Variants in PCDH11Y observed in about 807,000 individuals in gnomAD.
PCDH11Y encodes protocadherin-11 Y-linked.
For missense variants in PCDH11Y, 12 were observed against 224.8 expected (o/e 0.05, Z 6.05); for synonymous variants, 9 against 83.6 (o/e 0.11, Z 4.87).
chrY:5,437,481 C>G, intron 2 of PCDH11Y, among the ~76,000 whole-genome samples: 1 of 29,214 alleles, frequency 3.4e-5, no homozygotes, highest in Admixed American at 3.2e-4. Context: ...AGAGAGGTAA[C>G]TATAGGAGTT....
At chrY:5,715,397 A>G in intron 4 of PCDH11Y, among the ~76,000 whole-genome samples, 1 of 32,372 alleles carries the variant, frequency 3.1e-5, no homozygotes, top group Non-Finnish European at 7.6e-5. Context: ...TGTGACCAAC[A>G]TCTTAAGAAT....
chrY:5,632,210 G>C, intron 4 of PCDH11Y, among the ~76,000 whole-genome samples: 1 of 31,636 alleles, frequency 3.2e-5, no homozygotes, highest in Admixed American at 3.0e-4. Flanking sequence ...AATTGAGAGA[G>C]AATGATTGTA....
chrY:5,702,055 T>C, intron 4 of PCDH11Y, among the ~76,000 whole-genome samples: 1 of 33,613 alleles, frequency 3.0e-5, no homozygotes, highest in Non-Finnish European at 7.4e-5. Flanking sequence ...AATGAGTGTA[T>C]TTATCCAATG....
intron 4 of PCDH11Y, among the ~76,000 whole-genome samples, chrY:5,633,694 C>T (rs2053514190): frequency 3.1e-5 from 1 of 32,221 alleles, no homozygotes; most frequent in Non-Finnish European, 7.5e-5. Flanking sequence ...GCCAGGAGTT[C>T]GAGACCAGCC....
intron 2 of PCDH11Y, among the ~76,000 whole-genome samples, chrY:5,116,013 T>G: frequency 3.0e-5 from 1 of 33,667 alleles, no homozygotes; most frequent in Admixed American, 2.7e-4. Flanking sequence ...GTGCTGGGAT[T>G]ACAGGCGTGA....
chrY:5,275,743 A>T, intron 2 of PCDH11Y, among the ~76,000 whole-genome samples: 1 of 33,111 alleles, frequency 3.0e-5, no homozygotes, highest in African/African-American at 1.2e-4. Flanking sequence ...CAAGCACTAA[A>T]CCATTAAGAA....
At chrY:5,282,210 G>A in intron 2 of PCDH11Y, among the ~76,000 whole-genome samples, 1 of 32,336 alleles carries the variant, frequency 3.1e-5, no homozygotes. Flanking sequence ...CAGAATATCA[G>A]CATAGTGTGA....
chrY:5,340,961 G>A (rs1602907653), intron 2 of PCDH11Y, among the ~76,000 whole-genome samples: 1 of 34,013 alleles, frequency 2.9e-5, no homozygotes, highest in East Asian at 7.7e-4. Context: ...TAATAGCATT[G>A]GAGGCCAAAA....
chrY:5,709,930 C>G, intron 4 of PCDH11Y, among the ~76,000 whole-genome samples: 1 of 32,614 alleles, frequency 3.1e-5, no homozygotes, highest in Non-Finnish European at 7.5e-5. Context: ...AGCCCTGAAG[C>G]AATTGTTAGT....
chrY:5,233,806 A>G, intron 2 of PCDH11Y, among the ~76,000 whole-genome samples: 1 of 33,318 alleles, frequency 3.0e-5, no homozygotes, highest in Non-Finnish European at 7.4e-5. Context: ...GTGGTTTGCT[A>G]TAATTTTACA....
intron 4 of PCDH11Y, among the ~76,000 whole-genome samples, chrY:5,678,361 T>A: frequency 3.1e-5 from 1 of 32,656 alleles, no homozygotes; most frequent in Non-Finnish European, 7.5e-5. Context: ...ATGAAAAAAG[T>A]GATGTCAAAA....
In PCDH11Y at chrY:5,244,500, T is replaced by A. The variant is rs1569476290; in HGVS notation, c.3129+143793T>A. Among the ~76,000 whole-genome samples, 3 of 33,318 alleles carry A rather than the reference T, an allele frequency of 9.0e-5. No individual in the cohort carries two copies. In the East Asian group the frequency reaches 2.4e-3, roughly 27 times the overall value. 89.4% of individuals were successfully genotyped at this position (33,318 alleles called of 37,273 possible). Reference sequence around the variant, plus strand: ...GGAGAGGAAGGAAGAACAGTGTGGTTTGACGGCCCACCCAAGAGCCACATG... The same window carrying A: ...GGAGAGGAAGGAAGAACAGTGTGGTATGACGGCCCACCCAAGAGCCACATG... On this transcript the variant is annotated intron_variant, in intron 2 of 4. Transcript: ENST00000400457.
chrY:5,137,536 A>G (rs2052841993), intron 2 of PCDH11Y, among the ~76,000 whole-genome samples: 1 of 32,286 alleles, frequency 3.1e-5, no homozygotes, highest in Non-Finnish European at 7.6e-5. Context: ...TCACTAACAC[A>G]TAAGGACTCA....
At chrY:5,240,250 T>G in intron 2 of PCDH11Y, among the ~76,000 whole-genome samples, 1 of 33,627 alleles carries the variant, frequency 3.0e-5, no homozygotes, top group Non-Finnish European at 7.4e-5. Context: ...CTAGTTCTTT[T>G]GCTACTTCCA....
intron 2 of PCDH11Y, among the ~76,000 whole-genome samples, chrY:5,297,327 TG>T (rs2053075999): frequency 3.0e-5 from 1 of 32,867 alleles, no homozygotes; most frequent in Non-Finnish European, 7.5e-5. Flanking sequence ...CCACACTGCC[TG>T]GGGTAGGGGG....
chrY:5,078,545 T>A, intron 1 of PCDH11Y, among the ~76,000 whole-genome samples: 1 of 33,063 alleles, frequency 3.0e-5, no homozygotes, highest in African/African-American at 1.2e-4. Context: ...CTCACAATCA[T>A]GGCACAAGGC....
intron 2 of PCDH11Y, among the ~76,000 whole-genome samples, chrY:5,339,327 CATTTATTTATTT>C: frequency 1.2e-3 from 37 of 29,705 alleles, no homozygotes; most frequent in African/African-American, 4.1e-3. Flanking sequence ...CTGTCCTTTC[CATTTATTTATTT>C]ATTTATTTAT....
chrY:5,022,238 AC>A (rs2052570414), intron 1 of PCDH11Y, among the ~76,000 whole-genome samples: 1 of 32,395 alleles, frequency 3.1e-5, no homozygotes, highest in Non-Finnish European at 7.5e-5. Flanking sequence ...ATGTTAAGAT[AC>A]TTGATGGCTT....
At chrY:5,706,974 C>G in intron 4 of PCDH11Y, among the ~76,000 whole-genome samples, 1 of 32,927 alleles carries the variant, frequency 3.0e-5, no homozygotes, top group African/African-American at 1.2e-4. Flanking sequence ...AACTATATGA[C>G]TGCATCACAA....
Sources: gnomAD v4.1 joint callset for allele counts (sites outside exome capture counted in the v4.1 genomes callset) on GRCh38, gnomAD v4.1.1 for gene constraint, MANE v1.5 for transcripts, NCBI Gene and HGNC (gene_info 2026-07-23, HGNC 2026-07-21) for gene names.